RUVBL1: variants seen among roughly 807,000 people sequenced by gnomAD.
The protein encoded by RUVBL1 is ruvB-like 1.
RUVBL1 carries 4 observed loss-of-function variants against 52.4 expected under a neutral mutation model. The observed-to-expected ratio is 0.08, with a 90% CI of 0.04 to 0.17. RUVBL1 has a LOEUF of 0.17. Among genes scored for constraint, RUVBL1 ranks in the 10% least tolerant of loss-of-function variants. The pLI is 1.00. For synonymous variants in RUVBL1, 217 were observed against 214.4 expected (o/e 1.01, Z -0.10); for missense variants, 298 against 572.8 (o/e 0.52, Z 4.90).
intron 1 of RUVBL1, among the ~76,000 whole-genome samples, chr3:128,120,623 C>T (rs902161987): frequency 6.6e-6 from 1 of 152,246 alleles, no homozygotes; most frequent in Non-Finnish European, 1.5e-5. Flanking sequence ...CTAAAAGGTG[C>T]TCTTCTCTCT....
At position 128,093,494 on chromosome 3, in the gene RUVBL1, GT is replaced by G. The variant is rs75506552; in HGVS notation, c.1016+3805del. Among the ~76,000 whole-genome samples, 171 of 145,714 alleles carry G rather than the reference GT, an allele frequency of 1.2e-3. 1 individual carries two copies. The highest frequency in any genetic ancestry group is 1.9e-3 in the Non-Finnish European group (123 of 65,924). On this transcript the variant is annotated intron_variant, in intron 8 of 10. Coordinates refer to ENST00000322623, the MANE Select transcript of RUVBL1 (RefSeq NM_003707.3). Reference sequence around the variant, plus strand: ...TATGAATTATGTCTCCATAAAGTTGGTTTTTTTTTTTGTTGGAACACTATCT... The same window carrying G: ...TATGAATTATGTCTCCATAAAGTTGGTTTTTTTTTTGTTGGAACACTATCT...
rs1003606231 is a variant in RUVBL1, at chr3:128,153,899, G to C, written c.-736C>G. The C allele has an allele frequency of 4.9e-6, 7 of 1,425,254 alleles. No homozygotes were observed. In the African/African-American group the frequency reaches 9.1e-5, roughly 18 times the overall value. The allele number at this position is 1,425,254 out of a possible 1,614,324, so 88.3% of individuals were successfully genotyped here. On this transcript the variant is annotated 5_prime_UTR_variant, in exon 1 of 10. Transcript: ENST00000464873. ...CCGGGCCCCGTGTCCGAATTCGCTC[G>C]AGCCTTTGCCGGGACGGGAAATCGC...
intron 9 of RUVBL1, chr3:128,075,308 C>T (rs2107661972): frequency 6.6e-6 from 1 of 152,248 alleles, no homozygotes; most frequent in South Asian, 2.1e-4. Context: ...TTGGGAAGGT[C>T]CTGTGAGTGT....
chr3:128,092,046 C>T lies in RUVBL1; in HGVS notation c.1017-4238G>A, dbSNP rs533049329. Among the ~76,000 whole-genome samples, 29 of 152,264 alleles carry T rather than the reference C, an allele frequency of 1.9e-4. 1 individual carries two copies. In the East Asian group the frequency reaches 5.4e-3, roughly 28 times the overall value. On this transcript the variant is annotated intron_variant, in intron 8 of 10. Transcript: ENST00000322623. The stretch of plus-strand genomic sequence containing the variant: ...GCTCAGTGGACACACAGTAAGAGTG[C>T]TAAAAAGACAGCCATTTGATTTTCT...
Position 128,123,716 on chromosome 3 carries a change from A to T in RUVBL1, c.9T>A (p.Ile3=). The change falls in exon 1 of 11, where the codon ATT becomes ATA. Residue 3 remains isoleucine, a synonymous_variant. Transcript: ENST00000322623. The stretch of plus-strand genomic sequence containing the variant: ...TCTTCGTAGTGCTCTTCACCTCCTC[A>T]ATCTTCATTTTGCAGACGCCGGGAG... MK[I]EEVKSTTKTQ... 6.2e-7 allele frequency: 1 copy of T among 1,600,924 alleles called. No individual in the cohort carries two copies. The highest frequency in any genetic ancestry group is 8.5e-7 in the Non-Finnish European group (1 of 1,171,098).
rs1222782767 is a variant in RUVBL1, at chr3:128,067,046, C to T, written c.940-1826G>A. On this transcript the variant is annotated intron_variant, in intron 9 of 9. Transcript: ENST00000464873. This position sits in a 1 kb window ranked among gnomAD's most constrained non-coding sequence, Gnocchi z 4.1. ...AGCTCTTCTATACGTCCAACATCCC[C>T]ATCATCCTGCAGTCTGCCCTGGTGT... is the stretch of plus-strand genomic sequence containing the variant. The T allele has an allele frequency of 1.9e-6, 3 of 1,614,210 alleles. No homozygotes were observed. The highest frequency in any genetic ancestry group is 1.7e-6 in the Non-Finnish European group (2 of 1,180,028).
At chr3:128,145,043 G>A (rs1020389217) in intron 1 of RUVBL1, among the ~76,000 whole-genome samples, 14 of 152,188 alleles carry the variant, frequency 9.2e-5, no homozygotes, top group African/African-American at 3.1e-4. Context: ...AAGGAGGAAC[G>A]GAGAGAAAGA....
chr3:128,128,563 G>A (rs954699202), upstream of RUVBL1, among the ~76,000 whole-genome samples: 1 of 152,144 alleles, frequency 6.6e-6, no homozygotes, highest in African/African-American at 2.4e-5. Flanking sequence ...GGAAAAAAGG[G>A]GAAGAAGAGG....
In RUVBL1 at chr3:128,081,255, T is replaced by G. The variant is rs1238826276; in HGVS notation, c.1366A>C (p.Lys456Gln). 1.2e-6 allele frequency: 2 copies of G among 1,613,946 alleles called. No individual in the cohort carries two copies. Reference sequence around the variant, plus strand: ...TGCTGAAAACCTCAGCCATCTCACTTCATGTACTTATCCTGCTGGTCAGCC... The same window carrying G: ...TGCTGAAAACCTCAGCCATCTCACTGCATGTACTTATCCTGCTGGTCAGCC... The part of the protein sequence containing the change: ...ILADQQDKYM[K>Q] The change falls in exon 11 of 11, where the codon AAG (lysine) becomes CAG (glutamine). Residue 456 changes from lysine to glutamine, a missense_variant. Coordinates refer to ENST00000322623, the MANE Select transcript of RUVBL1 (RefSeq NM_003707.3). The surrounding 1 kb of genome is among the most constrained non-coding windows in gnomAD (Gnocchi z 4.8).
chr3:128,095,234 G>A (rs36069551), intron 8 of RUVBL1, among the ~76,000 whole-genome samples: 21,252 of 148,722 alleles, frequency 0.14, 1,660 homozygotes, highest in African/African-American at 0.22. Context: ...CTTCTGAGAC[G>A]AGAGATGCCA....
At position 128,104,708 on chromosome 3, in the gene RUVBL1, C is replaced by A; in HGVS notation, c.513+65G>T. ...AAACTGGGATGCAGAGAGGTTACAC[C>A]ACCTGCCCAAAGCCACACAGTGCTG... On this transcript the variant is annotated intron_variant, in intron 4 of 10. Coordinates refer to ENST00000322623, the MANE Select transcript of RUVBL1 (RefSeq NM_003707.3). The A allele has an allele frequency of 6.9e-6, 10 of 1,445,562 alleles. No homozygotes were observed. The South Asian group carries it at 1.3e-4, about 19-fold the overall frequency. The allele number at this position is 1,445,562 out of a possible 1,614,324, so 89.5% of individuals were successfully genotyped here.
downstream of RUVBL1, chr3:128,078,756 G>A (rs1422040656): frequency 6.6e-6 from 1 of 152,218 alleles, no homozygotes; most frequent in Admixed American, 6.5e-5. Context: ...TTCCCTCTTA[G>A]TAATGGATGG....
At chr3:128,072,889 A>G (rs1008115543) in intron 9 of RUVBL1, among the ~76,000 whole-genome samples, 2 of 152,182 alleles carry the variant, frequency 1.3e-5, no homozygotes, top group East Asian at 1.9e-4. Flanking sequence ...GCTCCTCCCC[A>G]TGCACAGGGA....
intron 1 of RUVBL1, among the ~76,000 whole-genome samples, chr3:128,119,783 C>T (rs534789244): frequency 6.6e-6 from 1 of 152,224 alleles, no homozygotes; most frequent in East Asian, 1.9e-4. Context: ...GCGTTCCAGG[C>T]AAAGAAAACA....
chr3:128,148,530 T>C (rs1415275517), intron 1 of RUVBL1, among the ~76,000 whole-genome samples: 3 of 152,234 alleles, frequency 2.0e-5, no homozygotes, highest in Non-Finnish European at 4.4e-5. Flanking sequence ...TATGTGAGCC[T>C]GCAGTTAGGA....
rs765055859 is a variant in RUVBL1 at position 128,081,308 on chromosome 3, T to C, written c.1313A>G (p.Tyr438Cys). ...GATTTTGGCGGAGGACTTGGCATCATAGAAAAGTTCACTGATCTCTTCGAC... is the reference window on the plus strand; with the variant it reads ...GATTTTGGCGGAGGACTTGGCATCACAGAAAAGTTCACTGATCTCTTCGAC... Reference protein sequence around the residue: ...EHVEEISELFYDAKSSAKILA... With the variant: ...EHVEEISELFCDAKSSAKILA... Residue 438 changes from tyrosine to cysteine, a missense_variant, in exon 11 of 11, where the codon TAT (tyrosine) becomes TGT (cysteine). Tyr to Cys is a radical substitution (Grantham distance 194, BLOSUM62 -2). Around this residue, in one of 5 missense-constraint regions of RUVBL1, gnomAD observed 161 missense variants for 298.3 expected, o/e 0.54. Coordinates refer to ENST00000322623, the MANE Select transcript of RUVBL1 (RefSeq NM_003707.3). The surrounding 1 kb of genome is among the most constrained non-coding windows in gnomAD (Gnocchi z 4.8). 1.1e-5 allele frequency: 18 copies of C among 1,614,104 alleles called. No homozygotes were observed. Among genetic ancestry groups the C allele is most frequent in the Admixed American group, 3.3e-5 (2 of 60,010 alleles).
In RUVBL1 at chr3:128,089,966, G is replaced by C. The variant is rs557788017; in HGVS notation, c.1017-2158C>G. Among the ~76,000 whole-genome samples the C allele has an allele frequency of 1.3e-3, 198 of 148,874 alleles. 2 individuals carry two copies. The highest frequency in any genetic ancestry group is 4.5e-3 in the African/African-American group (180 of 40,402). ...CACAGAAATAAATGAGACGTTACCA[G>C]GATCTAAGGGGAGGAAGGGTTGGGA... On this transcript the variant is annotated intron_variant, in intron 8 of 10. Transcript: ENST00000322623.
intron 4 of RUVBL1, among the ~76,000 whole-genome samples, chr3:128,103,406 G>A (rs1172216943): frequency 6.6e-6 from 1 of 152,210 alleles, no homozygotes; most frequent in African/African-American, 2.4e-5. Context: ...GATATTTGCA[G>A]AGGCAAGTTC....
In RUVBL1 at chr3:128,067,380, A is replaced by G. The variant is rs1225375937; in HGVS notation, c.940-2160T>C. 1.3e-6 allele frequency: 2 copies of G among 1,577,318 alleles called. No individual in the cohort carries two copies. Among genetic ancestry groups the G allele is most frequent in the Admixed American group, 1.8e-5 (1 of 54,130 alleles). ...ATTTTTGCCTTGATGCTAAAGTAAA[A>G]TGAAGGAGCACTCACATGCGTTTGG... On this transcript the variant is annotated intron_variant, in intron 9 of 9. Transcript: ENST00000464873. The surrounding 1 kb of genome is among the most constrained non-coding windows in gnomAD (Gnocchi z 4.1).
Sources: gnomAD v4.1 joint callset for allele counts (sites outside exome capture counted in the v4.1 genomes callset) on GRCh38, gnomAD v4.1.1 for gene constraint, gnomAD v4.1.1 regional missense constraint, Gnocchi (gnomAD v3.1) non-coding constraint, MANE v1.5 for transcripts, NCBI Gene and HGNC (gene_info 2026-07-23, HGNC 2026-07-21) for gene names.